SLC5A4: variants seen among roughly 807,000 people sequenced by gnomAD.
SLC5A4 encodes the protein solute carrier family 5 member 4, also known as probable glucose sensor protein SLC5A4.
A neutral mutation model predicts 70.3 loss-of-function variants in SLC5A4; 55 were observed. The ratio of observed to expected loss-of-function variants is 0.78; its 90% CI spans 0.63 to 0.98. SLC5A4 has a LOEUF of 0.98. SLC5A4 is among the 50% of genes least tolerant of loss of function. The pLI, the probability that SLC5A4 is intolerant of heterozygous loss-of-function variation, is 0.00. For missense variants in SLC5A4, 735 were observed against 839.2 expected, an observed-to-expected ratio of 0.88 and a Z score of 1.53; for synonymous variants, 268 against 305.7, an observed-to-expected ratio of 0.88 and a Z score of 1.29.
chr22:32,252,905 A>T (rs950972355), intron 2 of SLC5A4, among the ~76,000 whole-genome samples: 8 of 152,028 alleles, frequency 5.3e-5, no homozygotes, highest in Admixed American at 4.6e-4. Context: ...AGCAGAAGAG[A>T]ATTGGGGTGT....
chr22:32,262,070 C>T, the SLC5A4 span, among the ~76,000 whole-genome samples: 1 of 152,182 alleles, frequency 6.6e-6, no homozygotes, highest in South Asian at 2.1e-4. Context: ...TCCATTCATT[C>T]GTTGATGGAC....
chr22:32,332,879 C>T, the SLC5A4 span, among the ~76,000 whole-genome samples: 1 of 152,188 alleles, frequency 6.6e-6, no homozygotes, highest in Non-Finnish European at 1.5e-5. Flanking sequence ...CATCGGCAGC[C>T]TCTGTCCGTA....
the SLC5A4 span, among the ~76,000 whole-genome samples, chr22:32,316,183 T>G: frequency 1.3e-5 from 2 of 151,476 alleles, no homozygotes; most frequent in Admixed American, 6.6e-5. Flanking sequence ...TGCACTACAG[T>G]GAGAAGTACT....
chr22:32,297,637 T>G, the SLC5A4 span, among the ~76,000 whole-genome samples: 2 of 113,266 alleles, frequency 1.8e-5, no homozygotes, highest in African/African-American at 6.5e-5. Flanking sequence ...GAAGGGTTTT[T>G]TGTGTCTCTA....
intron 3 of SLC5A4, among the ~76,000 whole-genome samples, chr22:32,251,062 A>T (rs907345281): frequency 6.8e-6 from 1 of 148,048 alleles, no homozygotes; most frequent in African/African-American, 2.5e-5. Flanking sequence ...ACCATGACAC[A>T]TGTATACCTA....
chr22:32,288,792 C>T, the SLC5A4 span, among the ~76,000 whole-genome samples: 8 of 152,154 alleles, frequency 5.3e-5, no homozygotes, highest in South Asian at 6.2e-4. Context: ...GTGATCCGAC[C>T]GCCTCAGCCT....
At chr22:32,230,497 G>A (rs559170927) in intron 10 of SLC5A4, among the ~76,000 whole-genome samples, 9 of 152,176 alleles carry the variant, frequency 5.9e-5, no homozygotes, top group Admixed American at 4.6e-4. Context: ...CACTTAGTAG[G>A]CACTCAATAA....
intron 11 of SLC5A4, among the ~76,000 whole-genome samples, chr22:32,228,617 A>AT (rs1377924149): frequency 6.6e-6 from 1 of 151,524 alleles, no homozygotes; most frequent in African/African-American, 2.4e-5. Flanking sequence ...TCTGGTATCG[A>AT]TTTTTTTCCT....
At chr22:32,228,553 A>ACC (rs1925546146) in intron 11 of SLC5A4, among the ~76,000 whole-genome samples, 1 of 151,610 alleles carries the variant, frequency 6.6e-6, no homozygotes, top group Non-Finnish European at 1.5e-5. Flanking sequence ...AAAAAAAAAA[A>ACC]ATGCTATGAC....
At chr22:32,278,639 T>A in the SLC5A4 span, among the ~76,000 whole-genome samples, 3 of 152,298 alleles carry the variant, frequency 2.0e-5, no homozygotes, top group South Asian at 2.1e-4. Flanking sequence ...TGTAAGATTT[T>A]AAAAAATACT....
chr22:32,301,597 T>C, the SLC5A4 span, among the ~76,000 whole-genome samples: 2 of 152,294 alleles, frequency 1.3e-5, no homozygotes, highest in Admixed American at 1.3e-4. Flanking sequence ...ACTTACCAAA[T>C]TGATCTATAA....
chr22:32,292,242 A>T, the SLC5A4 span, among the ~76,000 whole-genome samples: 2 of 34,592 alleles, frequency 5.8e-5, no homozygotes, highest in Non-Finnish European at 1.2e-4. Flanking sequence ...TTATATATAT[A>T]ATATATACTA....
intron 8 of SLC5A4, among the ~76,000 whole-genome samples, chr22:32,234,350 G>A (rs1258532818): frequency 2.0e-5 from 3 of 152,152 alleles, no homozygotes; most frequent in Admixed American, 6.5e-5. Flanking sequence ...CAAGAAATAG[G>A]GTGGAAAGCA....
the SLC5A4 span, chr22:32,271,710 C>T: frequency 1.7e-6 from 1 of 578,482 alleles, no homozygotes; most frequent in African/African-American, 1.9e-5. Context: ...ATCAATGGCC[C>T]TGTCAACTCT....
At chr22:32,241,913 C>G (rs2145684196) in intron 5 of SLC5A4, among the ~76,000 whole-genome samples, 1 of 150,394 alleles carries the variant, frequency 6.6e-6, no homozygotes, top group East Asian at 2.0e-4. Flanking sequence ...CTTGGAGGGC[C>G]AGGATTCTCA....
At chr22:32,278,488 G>A in the SLC5A4 span, among the ~76,000 whole-genome samples, 1 of 152,072 alleles carries the variant, frequency 6.6e-6, no homozygotes, top group African/African-American at 2.4e-5. Flanking sequence ...AATGCTTCAG[G>A]ATTCACCCCA....
chr22:32,236,217 C>A (rs574614394), intron 7 of SLC5A4, among the ~76,000 whole-genome samples: 9 of 152,324 alleles, frequency 5.9e-5, no homozygotes, highest in Non-Finnish European at 1.2e-4. Context: ...GTTCCGTATC[C>A]ATGCCGTCCA....
the SLC5A4 span, among the ~76,000 whole-genome samples, chr22:32,311,448 G>C: frequency 7.2e-5 from 11 of 152,230 alleles, no homozygotes. Context: ...GTGGCCTTTG[G>C]AGATGTTTGT....
the SLC5A4 span, among the ~76,000 whole-genome samples, chr22:32,317,608 G>A: frequency 2.6e-5 from 4 of 152,214 alleles, no homozygotes; most frequent in East Asian, 1.9e-4. Context: ...GACTACAGGT[G>A]TGCACCACTA....
Sources: gnomAD v4.1 joint callset for allele counts (sites outside exome capture counted in the v4.1 genomes callset) on GRCh38, gnomAD v4.1.1 for gene constraint, MANE v1.5 for transcripts, NCBI Gene and HGNC (gene_info 2026-07-23, HGNC 2026-07-21) for gene names.